IMMP2L: variants seen among roughly 807,000 people sequenced by gnomAD.
IMMP2L encodes inner mitochondrial membrane peptidase subunit 2, also known as mitochondrial inner membrane protease subunit 2.
In IMMP2L, 18 loss-of-function variants were observed where a neutral mutation model predicts 19.3. That is an observed-to-expected ratio of 0.93 (90% CI 0.64 to 1.38). The LOEUF (loss-of-function observed/expected upper bound fraction) is 1.38. Ranked by LOEUF, IMMP2L falls within the 40% of genes most tolerant of loss-of-function variation. The pLI is 0.00. For synonymous variants in IMMP2L, 76 were observed against 73.0 expected (o/e 1.04, Z -0.21); for missense variants, 233 against 218.2 (o/e 1.07, Z -0.43).
chr7:111,053,503 A>C (rs1329505364), intron 3 of IMMP2L, among the ~76,000 whole-genome samples: 3 of 152,162 alleles, frequency 2.0e-5, no homozygotes, highest in African/African-American at 7.2e-5. Context: ...GGAGCTGCTG[A>C]TCACCAATTT....
At chr7:111,529,803 T>G (rs1363848855) in intron 1 of IMMP2L, among the ~76,000 whole-genome samples, 1 of 151,996 alleles carries the variant, frequency 6.6e-6, no homozygotes, top group Non-Finnish European at 1.5e-5. Flanking sequence ...AGAAGAGAGG[T>G]TAAAACTGAT....
At chr7:111,011,662 C>G (rs976507875) in intron 3 of IMMP2L, among the ~76,000 whole-genome samples, 45 of 152,240 alleles carry the variant, frequency 3.0e-4, no homozygotes, top group African/African-American at 1.1e-3. Context: ...GGAACGAATT[C>G]TGAAACCATG....
At chr7:110,831,814 C>T (rs995882434) in intron 5 of IMMP2L, among the ~76,000 whole-genome samples, 17 of 152,154 alleles carry the variant, frequency 1.1e-4, no homozygotes, top group African/African-American at 3.4e-4. Flanking sequence ...CAGAGGTACC[C>T]AGGTATTCTT....
intron 3 of IMMP2L, among the ~76,000 whole-genome samples, chr7:111,046,450 G>A (rs1202416200): frequency 6.6e-6 from 1 of 151,960 alleles, no homozygotes; most frequent in Non-Finnish European, 1.5e-5. Context: ...GAAGTTTCCA[G>A]AACTGAATAA....
At chr7:111,382,399 C>A (rs1362642086) in intron 3 of IMMP2L, among the ~76,000 whole-genome samples, 1 of 151,970 alleles carries the variant, frequency 6.6e-6, no homozygotes, top group Non-Finnish European at 1.5e-5. Flanking sequence ...TCACTGATGA[C>A]CTTCATGAAG....
At chr7:110,865,485 C>T (rs1156718003) in intron 5 of IMMP2L, among the ~76,000 whole-genome samples, 1 of 152,056 alleles carries the variant, frequency 6.6e-6, no homozygotes, top group Non-Finnish European at 1.5e-5. Context: ...GAAGCTCTAG[C>T]TATGGCTGAT....
chr7:110,854,785 A>T (rs1051986379), intron 5 of IMMP2L, among the ~76,000 whole-genome samples: 7 of 152,150 alleles, frequency 4.6e-5, no homozygotes, highest in Admixed American at 1.3e-4. Flanking sequence ...AGTCTCTAAT[A>T]ACTGCTCGTT....
chr7:110,780,207 G>A (rs1264723488), intron 5 of IMMP2L, among the ~76,000 whole-genome samples: 1 of 151,126 alleles, frequency 6.6e-6, no homozygotes, highest in Non-Finnish European at 1.5e-5. Flanking sequence ...CAAAAACAAG[G>A]TTGATCCAAA....
intron 4 of IMMP2L, among the ~76,000 whole-genome samples, chr7:110,940,440 TAGAA>T (rs777702861): frequency 6.6e-6 from 1 of 151,942 alleles, no homozygotes; most frequent in African/African-American, 2.4e-5. Context: ...ATCTCAGAAA[TAGAA>T]AGGATCTTCA....
intron 3 of IMMP2L, among the ~76,000 whole-genome samples, chr7:111,028,243 T>C (rs181641792): frequency 7.4e-4 from 113 of 152,222 alleles, no homozygotes; most frequent in Non-Finnish European, 1.2e-3. Context: ...CATTGACAAG[T>C]CTAATAACCA....
At chr7:111,202,971 C>T (rs565633881) in intron 3 of IMMP2L, among the ~76,000 whole-genome samples, 1 of 152,226 alleles carries the variant, frequency 6.6e-6, no homozygotes, top group South Asian at 2.1e-4. Context: ...TTGCCCTAAA[C>T]TATAAACATT....
At chr7:111,503,683 T>C (rs1224506272) in intron 2 of IMMP2L, among the ~76,000 whole-genome samples, 1 of 152,014 alleles carries the variant, frequency 6.6e-6, no homozygotes, top group East Asian at 1.9e-4. Context: ...AATCAATAAA[T>C]GTAATCCAGC....
At chr7:110,917,004 A>G (rs562969443) in intron 4 of IMMP2L, among the ~76,000 whole-genome samples, 2 of 152,318 alleles carry the variant, frequency 1.3e-5, no homozygotes, top group South Asian at 2.1e-4. Context: ...AAGGGCCTCT[A>G]TAGGTGTAAC....
rs190141486 is a variant in IMMP2L at position 111,063,398 on chromosome 7, T to C, written c.240-99833A>G. Among the ~76,000 whole-genome samples, 292 of 152,308 alleles carry C rather than the reference T, an allele frequency of 1.9e-3. 2 individuals are homozygous for C. Among genetic ancestry groups the C allele is most frequent in the African/African-American group, 6.6e-3 (274 of 41,568 alleles). On this transcript the variant is annotated intron_variant, in intron 3 of 5. Transcript: ENST00000405709. ...AAACCATTTTTTCCTCCTAGGCTGC[T>C]GGGCCTGTGATGGGACAGGCTGCTG...
chr7:110,989,637 T>G (rs1451822390), intron 3 of IMMP2L, among the ~76,000 whole-genome samples: 3 of 150,858 alleles, frequency 2.0e-5, no homozygotes, highest in African/African-American at 7.3e-5. Flanking sequence ...AAAATAAATA[T>G]TTATTGTACT....
At chr7:111,061,628 C>CT (rs1396164334) in intron 3 of IMMP2L, among the ~76,000 whole-genome samples, 3 of 152,138 alleles carry the variant, frequency 2.0e-5, no homozygotes, top group African/African-American at 7.2e-5. Flanking sequence ...GCACTGCCAC[C>CT]TCAATTGTCC....
chr7:111,331,216 TA>T (rs1825841233), intron 3 of IMMP2L, among the ~76,000 whole-genome samples: 1 of 152,066 alleles, frequency 6.6e-6, no homozygotes, highest in East Asian at 1.9e-4. Flanking sequence ...CAAAATGTGG[TA>T]AATATACACA....
chr7:111,119,565 A>T (rs1800332059), intron 3 of IMMP2L, among the ~76,000 whole-genome samples: 1 of 152,212 alleles, frequency 6.6e-6, no homozygotes, highest in African/African-American at 2.4e-5. Flanking sequence ...GGATTTTAGT[A>T]ATATATGTAA....
intron 5 of IMMP2L, among the ~76,000 whole-genome samples, chr7:110,721,037 T>A (rs1017054786): frequency 1.3e-5 from 2 of 148,292 alleles, no homozygotes; most frequent in Admixed American, 6.9e-5. Flanking sequence ...AAAAATAGTA[T>A]ATGCCTGTTA....
Sources: allele counts gnomAD v4.1 joint callset (sites outside exome capture counted in the v4.1 genomes callset), GRCh38; gene constraint gnomAD v4.1.1; transcripts MANE v1.5; gene names NCBI Gene and HGNC (gene_info 2026-07-23, HGNC 2026-07-21).